Variants in SDK1 observed in about 807,000 individuals in gnomAD.
The protein encoded by SDK1 is sidekick cell adhesion molecule 1.
SDK1 carries 157 observed loss-of-function variants against 245.5 expected under a neutral mutation model. The observed-to-expected ratio is 0.64, with a 90% CI of 0.56 to 0.73. The LOEUF (loss-of-function observed/expected upper bound fraction) is 0.73, where lower values mean the gene tolerates loss of function less well. SDK1 is among the 30% of genes least tolerant of loss of function. The probability of loss-of-function intolerance (pLI) is 0.00; values close to 1 mark genes in which losing one functional copy is unlikely to be tolerated. For synonymous variants in SDK1, 1,647 were observed against 1,278.5 expected (o/e 1.29, Z -6.15); for missense variants, 3,583 against 3,002.3 (o/e 1.19, Z -4.52).
At chr7:3,883,873 A>G (rs1781268527) in intron 5 of SDK1, among the ~76,000 whole-genome samples, 1 of 152,086 alleles carries the variant, frequency 6.6e-6, no homozygotes, top group Non-Finnish European at 1.5e-5. Flanking sequence ...CCTTCACTCA[A>G]ACGTCCACAT....
chr7:4,266,417 G>C lies in SDK1; in HGVS notation c.*1033G>C, dbSNP rs1175094521. ...AACAGCTCTGAGAACACACGCTCCCGACTCGCCTCGTGCACACCAGGCCGT... is the reference window on the plus strand; with the variant it reads ...AACAGCTCTGAGAACACACGCTCCCCACTCGCCTCGTGCACACCAGGCCGT... On this transcript the variant is annotated 3_prime_UTR_variant, in exon 45 of 45. Transcript: ENST00000404826. The C allele has an allele frequency of 1.0e-6, 1 of 985,190 alleles. No homozygotes were observed. The highest frequency in any genetic ancestry group is 1.2e-6 in the Non-Finnish European group (1 of 829,932). The allele number at this position is 985,190 out of a possible 1,614,324, so 61.0% of individuals were successfully genotyped here.
At chr7:3,639,684 A>C (rs909116911) in intron 3 of SDK1, among the ~76,000 whole-genome samples, 1 of 152,194 alleles carries the variant, frequency 6.6e-6, no homozygotes, top group Non-Finnish European at 1.5e-5. Flanking sequence ...TGTAGTCTTG[A>C]GGAGAAACAG....
At chr7:3,791,275 T>A (rs1226681620) in intron 4 of SDK1, among the ~76,000 whole-genome samples, 1 of 152,154 alleles carries the variant, frequency 6.6e-6, no homozygotes, top group African/African-American at 2.4e-5. Context: ...TGAATCCGCC[T>A]CGTGGAACTA....
Position 3,512,810 on chromosome 7 carries a change from T to A in SDK1, c.299-106270T>A, listed in dbSNP as rs142501256. ...AGATTTGGGGTAAATATTCCATCTG[T>A]TTTTTTTCCATTTAACGTCACGATG... On this transcript the variant is annotated intron_variant, in intron 1 of 44. Transcript: ENST00000404826. Among the ~76,000 whole-genome samples, 275 of 152,154 alleles carry A rather than the reference T, an allele frequency of 1.8e-3. 2 individuals carry two copies. The highest frequency in any genetic ancestry group is 6.5e-3 in the African/African-American group (271 of 41,528).
intron 1 of SDK1, among the ~76,000 whole-genome samples, chr7:3,536,954 T>A (rs866021171): frequency 1.3e-5 from 2 of 152,192 alleles, no homozygotes; most frequent in African/African-American, 4.8e-5. Context: ...TCACACATCA[T>A]TAAAAATATT....
chr7:4,023,092 C>A (rs1359751036), intron 17 of SDK1, among the ~76,000 whole-genome samples: 2 of 152,018 alleles, frequency 1.3e-5, no homozygotes, highest in Non-Finnish European at 2.9e-5. Flanking sequence ...TCTTTTCAAT[C>A]CCATTTATGG....
intron 5 of SDK1, among the ~76,000 whole-genome samples, chr7:3,882,777 T>C (rs1470012397): frequency 6.6e-6 from 1 of 152,180 alleles, no homozygotes; most frequent in Non-Finnish European, 1.5e-5. Flanking sequence ...GAAACCACTT[T>C]GTTAGCAATT....
chr7:3,824,309 A>G (rs528738445), intron 5 of SDK1, among the ~76,000 whole-genome samples: 2 of 152,314 alleles, frequency 1.3e-5, no homozygotes, highest in Admixed American at 6.5e-5. Context: ...AAATTTGTAA[A>G]AACTTTCTGG....
intron 5 of SDK1, among the ~76,000 whole-genome samples, chr7:3,921,610 A>C (rs1779588981): frequency 6.6e-6 from 1 of 152,124 alleles, no homozygotes; most frequent in African/African-American, 2.4e-5. Flanking sequence ...AACAAAAGGA[A>C]ATGAGGGAAT....
rs1164133895 is a variant in SDK1 at position 3,962,643 on chromosome 7, C to G, written c.1235-14C>G. 1.3e-6 allele frequency: 2 copies of G among 1,584,160 alleles called. No homozygotes were observed. The highest frequency in any genetic ancestry group is 1.7e-6 in the Non-Finnish European group (2 of 1,162,462). On this transcript the variant is annotated splice_polypyrimidine_tract_variant and intron_variant, in intron 8 of 44. Transcript: ENST00000404826. The stretch of plus-strand genomic sequence containing the variant: ...ATTATTTTTAAAATCCTATTTATTC[C>G]CATTCCTACGCAGGGGTCCCCCTTC...
At chr7:3,817,483 C>T (rs542279423) in intron 4 of SDK1, among the ~76,000 whole-genome samples, 7 of 152,342 alleles carry the variant, frequency 4.6e-5, no homozygotes, top group African/African-American at 1.7e-4. Flanking sequence ...AATGTATACT[C>T]TTACTCTTCC....
chr7:3,683,027 C>T (rs896587027), intron 4 of SDK1, among the ~76,000 whole-genome samples: 5 of 152,164 alleles, frequency 3.3e-5, no homozygotes, highest in African/African-American at 9.7e-5. Context: ...AGCTACCACG[C>T]GCGGCCTGGA....
chr7:3,560,288 C>G (rs747421404), intron 1 of SDK1, among the ~76,000 whole-genome samples: 1 of 152,154 alleles, frequency 6.6e-6, no homozygotes, highest in Middle Eastern at 3.2e-3. Context: ...TATTGATGTA[C>G]TGTCTATATG....
At chr7:3,429,576 T>C (rs1175804490) in intron 1 of SDK1, among the ~76,000 whole-genome samples, 1 of 151,700 alleles carries the variant, frequency 6.6e-6, no homozygotes, top group Non-Finnish European at 1.5e-5. Flanking sequence ...TGTAATTTGA[T>C]ACCCAGTCCA....
intron 1 of SDK1, among the ~76,000 whole-genome samples, chr7:3,373,300 C>T (rs1583761216): frequency 6.6e-6 from 1 of 152,288 alleles, no homozygotes; most frequent in East Asian, 1.9e-4. Context: ...TTATTGAACA[C>T]TAAGCGAAAG....
chr7:3,356,389 G>A (rs1157192183), intron 1 of SDK1, among the ~76,000 whole-genome samples: 2 of 152,132 alleles, frequency 1.3e-5, no homozygotes, highest in Non-Finnish European at 1.5e-5. Context: ...GGAAGCCCTC[G>A]TGTTTGTTAC....
intron 17 of SDK1, among the ~76,000 whole-genome samples, chr7:4,033,965 A>G (rs1480243305): frequency 2.6e-5 from 4 of 152,198 alleles, no homozygotes; most frequent in African/African-American, 9.6e-5. Context: ...CAAAGGAAAA[A>G]AAACGGAGTA....
intron 4 of SDK1, among the ~76,000 whole-genome samples, chr7:3,708,960 A>G (rs974932370): frequency 6.6e-6 from 1 of 152,210 alleles, no homozygotes; most frequent in African/African-American, 2.4e-5. Flanking sequence ...TGCATTCATG[A>G]TACTCTTCCA....
intron 5 of SDK1, among the ~76,000 whole-genome samples, chr7:3,877,524 G>C (rs1412349675): frequency 6.6e-6 from 1 of 152,154 alleles, no homozygotes; most frequent in Non-Finnish European, 1.5e-5. Context: ...ACTGTATCTA[G>C]TGGAGGCATG....
Sources: allele counts gnomAD v4.1 joint callset (sites outside exome capture counted in the v4.1 genomes callset), GRCh38; gene constraint gnomAD v4.1.1; transcripts MANE v1.5; gene names NCBI Gene and HGNC (gene_info 2026-07-23, HGNC 2026-07-21).